GRID2: variants seen among roughly 807,000 people sequenced by gnomAD.
The protein encoded by GRID2 is glutamate receptor ionotropic, delta-2.
In GRID2, 33 loss-of-function variants were observed where a neutral mutation model predicts 114.8. The observed-to-expected ratio is 0.29, with a 90% CI of 0.22 to 0.38. The LOEUF is 0.38. Among genes scored for constraint, GRID2 ranks in the 10% least tolerant of loss-of-function variants. The probability of loss-of-function intolerance (pLI) is 1.00; values close to 1 mark genes in which losing one functional copy is unlikely to be tolerated. For synonymous variants in GRID2, 505 were observed against 449.9 expected, an observed-to-expected ratio of 1.12 and a Z score of -1.55; for missense variants, 1,184 against 1,257.7, an observed-to-expected ratio of 0.94 and a Z score of 0.89.
At chr4:92,787,804 T>C (rs1028148252) in intron 2 of GRID2, among the ~76,000 whole-genome samples, 10 of 151,748 alleles carry the variant, frequency 6.6e-5, no homozygotes, top group Non-Finnish European at 1.5e-4. Flanking sequence ...TGATAAGAGA[T>C]GGTGCTGCCT....
chr4:93,254,493 T>C (rs1288552456), intron 8 of GRID2, among the ~76,000 whole-genome samples: 1 of 152,164 alleles, frequency 6.6e-6, no homozygotes, highest in African/African-American at 2.4e-5. Flanking sequence ...TGGGGAGTTT[T>C]ATTGCTCTGG....
At chr4:92,766,534 CTCA>C (rs1738277126) in intron 2 of GRID2, among the ~76,000 whole-genome samples, 1 of 72,416 alleles carries the variant, frequency 1.4e-5, no homozygotes, top group Admixed American at 2.1e-4. Context: ...AAGACTCCTT[CTCA>C]AAAAAAAAAA....
chr4:92,942,487 G>T (rs1578549390), intron 2 of GRID2, among the ~76,000 whole-genome samples: 1 of 152,232 alleles, frequency 6.6e-6, no homozygotes, highest in South Asian at 2.1e-4. Flanking sequence ...TGGGTTTCCT[G>T]AATACAGCAC....
intron 1 of GRID2, among the ~76,000 whole-genome samples, chr4:92,568,109 G>A (rs1231661371): frequency 6.6e-6 from 1 of 152,002 alleles, no homozygotes; most frequent in Non-Finnish European, 1.5e-5. Flanking sequence ...AGCAGTTGAG[G>A]AGAAGCTGTG....
At chr4:92,423,491 C>T (rs893656813) in intron 1 of GRID2, among the ~76,000 whole-genome samples, 74 of 151,854 alleles carry the variant, frequency 4.9e-4, no homozygotes, top group Admixed American at 7.2e-4. Context: ...TTTAGGGACA[C>T]GATACTAGAA....
intron 2 of GRID2, among the ~76,000 whole-genome samples, chr4:92,783,705 A>G (rs781751058): frequency 2.6e-5 from 4 of 152,114 alleles, no homozygotes; most frequent in East Asian, 1.9e-4. Flanking sequence ...CAACAAAGTG[A>G]CACCCAGTCT....
intron 2 of GRID2, among the ~76,000 whole-genome samples, chr4:92,665,346 C>T (rs1487010077): frequency 6.7e-6 from 1 of 149,332 alleles, no homozygotes; most frequent in Non-Finnish European, 1.5e-5. Context: ...TTCAGTAGTT[C>T]AGCTGTTGAT....
chr4:93,667,501 G>A (rs185052710), intron 14 of GRID2, among the ~76,000 whole-genome samples: 2 of 151,816 alleles, frequency 1.3e-5, no homozygotes, highest in Admixed American at 6.6e-5. Context: ...ATTCTACCAT[G>A]AAGTGTCATT....
intron 1 of GRID2, among the ~76,000 whole-genome samples, chr4:92,547,981 A>G (rs2149169536): frequency 6.6e-6 from 1 of 152,296 alleles, no homozygotes; most frequent in East Asian, 1.9e-4. Flanking sequence ...ATTAAGTAGA[A>G]AAAGAACTTA....
intron 13 of GRID2, among the ~76,000 whole-genome samples, chr4:93,572,078 A>G (rs1735980167): frequency 6.6e-6 from 1 of 152,194 alleles, no homozygotes; most frequent in Non-Finnish European, 1.5e-5. Flanking sequence ...GTAAAAGGTC[A>G]AGTGATTGCT....
intron 1 of GRID2, among the ~76,000 whole-genome samples, chr4:92,478,562 A>T (rs1420254136): frequency 2.0e-5 from 3 of 152,056 alleles, no homozygotes; most frequent in Non-Finnish European, 4.4e-5. Context: ...CTGTCAGATG[A>T]TTAGATTTTG....
chr4:92,506,199 A>G (rs1723963707), intron 1 of GRID2, among the ~76,000 whole-genome samples: 1 of 152,002 alleles, frequency 6.6e-6, no homozygotes, highest in Non-Finnish European at 1.5e-5. Flanking sequence ...TGCAGTAAAA[A>G]AAGGAAAATC....
chr4:92,933,477 C>T (rs1750397857), intron 2 of GRID2, among the ~76,000 whole-genome samples: 1 of 151,394 alleles, frequency 6.6e-6, no homozygotes, highest in African/African-American at 2.4e-5. Context: ...GTGTCTATTT[C>T]CAAGGGGCTA....
chr4:92,640,941 TAA>T (rs1731311605), intron 2 of GRID2, among the ~76,000 whole-genome samples: 1 of 151,910 alleles, frequency 6.6e-6, no homozygotes, highest in South Asian at 2.1e-4. Context: ...TAAATGCTAT[TAA>T]GTTATCTGTT....
chr4:92,559,901 A>AT (rs1727032045), intron 1 of GRID2, among the ~76,000 whole-genome samples: 1 of 152,192 alleles, frequency 6.6e-6, no homozygotes, highest in South Asian at 2.1e-4. Context: ...ATTAATTTTA[A>AT]TTTTTTACCA....
intron 1 of GRID2, among the ~76,000 whole-genome samples, chr4:92,528,392 T>G (rs915461193): frequency 2.6e-5 from 4 of 151,590 alleles, no homozygotes; most frequent in African/African-American, 9.7e-5. Flanking sequence ...GTTTGAAGAT[T>G]GATCCTTGTA....
intron 1 of GRID2, among the ~76,000 whole-genome samples, chr4:92,385,977 AT>A (rs1468968218): frequency 6.6e-6 from 1 of 150,534 alleles, no homozygotes; most frequent in Non-Finnish European, 1.5e-5. Flanking sequence ...AGGAAAAAAA[AT>A]ATGCCCTTTG....
chr4:93,253,633 A>T (rs1447328724), intron 8 of GRID2, among the ~76,000 whole-genome samples: 1 of 152,150 alleles, frequency 6.6e-6, no homozygotes, highest in South Asian at 2.1e-4. Context: ...AAGAAGTAAT[A>T]CAGACTAAAA....
At chr4:92,354,056 G>T (rs1177435872) in intron 1 of GRID2, among the ~76,000 whole-genome samples, 1 of 152,016 alleles carries the variant, frequency 6.6e-6, no homozygotes, top group African/African-American at 2.4e-5. Context: ...AATGCCATGT[G>T]CTGGCTCTTC....
Sources: allele counts gnomAD v4.1 joint callset (sites outside exome capture counted in the v4.1 genomes callset), GRCh38; gene constraint gnomAD v4.1.1; transcripts MANE v1.5; gene names NCBI Gene and HGNC (gene_info 2026-07-23, HGNC 2026-07-21).